Variants in VGLL4 observed in about 807,000 individuals in gnomAD.
VGLL4 encodes transcription cofactor vestigial-like protein 4.
VGLL4 carries 7 observed loss-of-function variants against 21.0 expected under a neutral mutation model. The ratio of observed to expected loss-of-function variants is 0.33; its 90% CI spans 0.19 to 0.63. The LOEUF (loss-of-function observed/expected upper bound fraction) is 0.63, where lower values mean the gene tolerates loss of function less well. VGLL4 is among the 20% of genes least tolerant of loss of function. The pLI is 0.78. For synonymous variants in VGLL4, 222 were observed against 173.2 expected, an observed-to-expected ratio of 1.28 and a Z score of -2.21; for missense variants, 394 against 425.7, an observed-to-expected ratio of 0.93 and a Z score of 0.66.
intron 2 of VGLL4, among the ~76,000 whole-genome samples, chr3:11,657,312 T>C (rs192459559): frequency 2.9e-3 from 447 of 152,306 alleles, no homozygotes; most frequent in African/African-American, 0.01. Context: ...TCATGTTTTA[T>C]AGAATACACG....
chr3:11,679,601 T>C (rs2076341979), intron 2 of VGLL4, among the ~76,000 whole-genome samples: 1 of 152,070 alleles, frequency 6.6e-6, no homozygotes, highest in African/African-American at 2.4e-5. Context: ...GAGAACTGCT[T>C]GAACCTGGGA....
At chr3:11,685,970 A>G (rs981169809) in intron 2 of VGLL4, among the ~76,000 whole-genome samples, 1 of 152,220 alleles carries the variant, frequency 6.6e-6, no homozygotes, top group Non-Finnish European at 1.5e-5. Context: ...TTAGGCAAAT[A>G]CAAATCAAAA....
intron 1 of VGLL4, among the ~76,000 whole-genome samples, chr3:11,704,402 A>AAAAG (rs1559954685): frequency 2.0e-4 from 29 of 143,922 alleles, no homozygotes; most frequent in African/African-American, 4.9e-4. Context: ...AAAAAAAAAA[A>AAAAG]AAAGAAAAAA....
Position 11,643,666 on chromosome 3 carries a change from AG to A in VGLL4, c.-149del. 2 of 1,411,220 alleles carry A rather than the reference AG, an allele frequency of 1.4e-6. No individual in the cohort carries two copies. Among genetic ancestry groups the A allele is most frequent in the Non-Finnish European group, 1.8e-6 (2 of 1,090,622 alleles). 87.4% of individuals were successfully genotyped at this position (1,411,220 alleles called of 1,614,324 possible). On this transcript the variant is annotated 5_prime_UTR_variant, in exon 1 of 5. Transcript: ENST00000430365. ...AGACTATCAAAACAAAGTATGCAAA[AG>A]TTAAAAAAAAAAAAATCAGGCACAA...
At chr3:11,639,207 T>C (rs1433134455) in intron 1 of VGLL4, among the ~76,000 whole-genome samples, 3 of 152,214 alleles carry the variant, frequency 2.0e-5, no homozygotes, top group African/African-American at 7.2e-5. Context: ...ATGATGTCAG[T>C]GCAGCGACAG....
Position 11,649,918 on chromosome 3 carries a change from T to C in VGLL4, c.65-47896A>G, listed in dbSNP as rs1440797387. Among the ~76,000 whole-genome samples the C allele has an allele frequency of 3.8e-4, 49 of 129,322 alleles. No individual in the cohort carries two copies. In the South Asian group the frequency reaches 7.9e-3, roughly 21 times the overall value. 84.8% of individuals were successfully genotyped at this position (129,322 alleles called of 152,430 possible). On this transcript the variant is annotated intron_variant, in intron 2 of 5. Coordinates refer to the VGLL4 transcript ENST00000273038. Reference sequence around the variant, plus strand: ...CTATTTGGTTTGGTTTGGTTTGGTTTGGTTTGGTTTGGTTTGGTTTGGTTT... The same window carrying C: ...CTATTTGGTTTGGTTTGGTTTGGTTCGGTTTGGTTTGGTTTGGTTTGGTTT...
exon 1 of VGLL4, chr3:11,720,680 T>G (rs1419863890): frequency 6.6e-6 from 1 of 152,244 alleles, no homozygotes; most frequent in African/African-American, 2.4e-5. Flanking sequence ...CTTCAGCCGC[T>G]CACACACCAG....
chr3:11,667,256 G>A (rs1246453413), intron 2 of VGLL4, among the ~76,000 whole-genome samples: 7 of 152,228 alleles, frequency 4.6e-5, no homozygotes, highest in Non-Finnish European at 8.8e-5. Context: ...ATGACTGAGT[G>A]ACAGGTTACA....
At chr3:11,640,540 T>C (rs1387319183) in intron 1 of VGLL4, among the ~76,000 whole-genome samples, 1 of 152,200 alleles carries the variant, frequency 6.6e-6, no homozygotes, top group Non-Finnish European at 1.5e-5. Flanking sequence ...TGAAGGGAAT[T>C]AGTTAGCTTC....
chr3:11,678,961 G>A (rs916732990), intron 2 of VGLL4, among the ~76,000 whole-genome samples: 5 of 152,168 alleles, frequency 3.3e-5, no homozygotes, highest in African/African-American at 1.2e-4. Context: ...CGCCTTACGT[G>A]TTTGAGGTGA....
At chr3:11,615,086 A>C (rs1007237599) in intron 1 of VGLL4, among the ~76,000 whole-genome samples, 1 of 152,226 alleles carries the variant, frequency 6.6e-6, no homozygotes, top group African/African-American at 2.4e-5. Flanking sequence ...ACCCATAAAT[A>C]CTTAAGAACA....
rs531648493 is a variant in VGLL4, at chr3:11,565,716, C to T, written c.273-697G>A. On this transcript the variant is annotated intron_variant, in intron 2 of 4. Transcript: ENST00000430365. This position sits in a 1 kb window ranked among gnomAD's most constrained non-coding sequence, Gnocchi z 4.1. ...CAGAAGGTCCATCACTAGCCCTGGC[C>T]ATGTGCTGAGCACCCAGGCGATGCC... Among the ~76,000 whole-genome samples the T allele has an allele frequency of 6.6e-6, 1 of 152,332 alleles. No homozygotes were observed. Among genetic ancestry groups the T allele is most frequent in the East Asian group, 1.9e-4 (1 of 5,168 alleles).
intron 2 of VGLL4, chr3:11,671,271 G>A (rs1215572572): frequency 6.3e-7 from 1 of 1,597,668 alleles, no homozygotes; most frequent in South Asian, 1.1e-5. Context: ...CCATGGTGCA[G>A]ACCTGGATGT....
At chr3:11,682,391 C>T (rs1353482795) in intron 2 of VGLL4, among the ~76,000 whole-genome samples, 1 of 102,676 alleles carries the variant, frequency 9.7e-6, no homozygotes, top group Non-Finnish European at 1.8e-5. Context: ...GGTGACAGTA[C>T]AAGACCCTGT....
At chr3:11,707,682 T>G (rs1444515326) in intron 1 of VGLL4, among the ~76,000 whole-genome samples, 1 of 151,894 alleles carries the variant, frequency 6.6e-6, no homozygotes, top group East Asian at 1.9e-4. Context: ...ATTTGGAAAT[T>G]TACTCATTTC....
In VGLL4 at chr3:11,656,983, G is replaced by A. The variant is rs141255178; in HGVS notation, c.64+45988C>T. 1.6e-3 allele frequency among the ~76,000 whole-genome samples: 245 copies of A among 152,310 alleles called. 1 individual carries two copies. The highest frequency in any genetic ancestry group is 5.7e-3 in the African/African-American group (238 of 41,564). On this transcript the variant is annotated intron_variant, in intron 2 of 5. Transcript: ENST00000273038. ...GGAGGCTGGGAGTAGGCAGCAAGGA[G>A]GTAAGGAAGGCCAGCCTGGAGCTGA...
Position 11,568,898 on chromosome 3 carries a change from G to T in VGLL4, c.273-3879C>A. 7.6e-7 allele frequency: 1 copy of T among 1,312,072 alleles called. No homozygotes were observed. Among genetic ancestry groups the T allele is most frequent in the South Asian group, 1.7e-5 (1 of 58,064 alleles). The allele number at this position is 1,312,072 out of a possible 1,614,324, so 81.3% of individuals were successfully genotyped here. A position where few individuals can be genotyped will look rare whatever the true frequency, so the allele number is the denominator to read the frequency against. ...TGCACGGCACCCGGCCCCGCCCCGG[G>T]CCTCATCCCCATCCTAGGCGGGCAC... On this transcript the variant is annotated intron_variant, in intron 2 of 4. Coordinates refer to ENST00000430365, the MANE Select transcript of VGLL4 (RefSeq NM_001128219.3). The surrounding 1 kb of genome is among the most constrained non-coding windows in gnomAD (Gnocchi z 5.9).
chr3:11,682,204 G>C (rs111691819), intron 2 of VGLL4, among the ~76,000 whole-genome samples: 2 of 152,260 alleles, frequency 1.3e-5, no homozygotes, highest in African/African-American at 4.8e-5. Flanking sequence ...AGGAGTTTGA[G>C]ATCAGCCTGG....
At chr3:11,650,596 C>T (rs1432054858) in intron 2 of VGLL4, among the ~76,000 whole-genome samples, 1 of 152,238 alleles carries the variant, frequency 6.6e-6, no homozygotes, top group East Asian at 1.9e-4. Context: ...AACCCTACTG[C>T]GCTATCTGTT....
Sources: gnomAD v4.1 joint callset for allele counts (sites outside exome capture counted in the v4.1 genomes callset) on GRCh38, gnomAD v4.1.1 for gene constraint, Gnocchi (gnomAD v3.1) non-coding constraint, MANE v1.5 for transcripts, NCBI Gene and HGNC (gene_info 2026-07-23, HGNC 2026-07-21) for gene names.